Variants in STIM2 observed in about 807,000 individuals in gnomAD.
The protein encoded by STIM2 is stromal interaction molecule 2.
STIM2 carries 31 observed loss-of-function variants against 85.8 expected under a neutral mutation model. The ratio of observed to expected loss-of-function variants is 0.36; its 90% CI spans 0.27 to 0.49. The LOEUF (loss-of-function observed/expected upper bound fraction) is 0.49, where lower values mean the gene tolerates loss of function less well. STIM2 is among the 20% of genes least tolerant of loss of function. The pLI, the probability that STIM2 is intolerant of heterozygous loss-of-function variation, is 0.98. For missense variants in STIM2, 841 were observed against 927.6 expected, an observed-to-expected ratio of 0.91 and a Z score of 1.21; for synonymous variants, 356 against 331.1, an observed-to-expected ratio of 1.08 and a Z score of -0.82.
chr4:26,863,269 A>G (rs1043861323), intron 1 of STIM2, among the ~76,000 whole-genome samples: 3 of 152,208 alleles, frequency 2.0e-5, no homozygotes, highest in African/African-American at 7.2e-5. Flanking sequence ...GTTTGCTAGA[A>G]GAATACCCTG....
chr4:26,973,025 C>T (rs1222567434), intron 3 of STIM2, among the ~76,000 whole-genome samples: 5 of 152,136 alleles, frequency 3.3e-5, no homozygotes, highest in African/African-American at 9.7e-5. Context: ...AGTTTATTTG[C>T]GTAGAGGTGT....
chr4:26,881,064 G>GA (rs1265406169), intron 1 of STIM2, among the ~76,000 whole-genome samples: 1 of 152,082 alleles, frequency 6.6e-6, no homozygotes, highest in Non-Finnish European at 1.5e-5. Context: ...TTTATATGTT[G>GA]AAACCTAAAC....
chr4:26,956,273 A>G (rs1726233880), intron 2 of STIM2, among the ~76,000 whole-genome samples: 1 of 152,176 alleles, frequency 6.6e-6, no homozygotes, highest in African/African-American at 2.4e-5. Context: ...AGTAATGGGT[A>G]CATATATGAG....
chr4:26,962,668 A>T (rs1475349958), intron 3 of STIM2, among the ~76,000 whole-genome samples: 1 of 152,070 alleles, frequency 6.6e-6, no homozygotes, highest in Non-Finnish European at 1.5e-5. Flanking sequence ...TGTCTAATGC[A>T]AATGAAAGCC....
At chr4:26,890,134 C>T (rs762203124) in intron 1 of STIM2, among the ~76,000 whole-genome samples, 3 of 152,172 alleles carry the variant, frequency 2.0e-5, no homozygotes, top group Non-Finnish European at 4.4e-5. Flanking sequence ...GCAGTTAGTG[C>T]TACAGCCATC....
chr4:26,879,388 G>A (rs1382513406), intron 1 of STIM2, among the ~76,000 whole-genome samples: 1 of 151,850 alleles, frequency 6.6e-6, no homozygotes, highest in African/African-American at 2.4e-5. Flanking sequence ...GAAGGATTAT[G>A]GGATTGAGTC....
At chr4:26,919,111 CTG>C (rs1177281002) in intron 1 of STIM2, among the ~76,000 whole-genome samples, 1 of 144,744 alleles carries the variant, frequency 6.9e-6, no homozygotes, top group Non-Finnish European at 1.5e-5. Flanking sequence ...ACTTTGTATT[CTG>C]TGATTTTTTA....
chr4:26,977,647 G>C (rs1042951374), intron 3 of STIM2, among the ~76,000 whole-genome samples: 1 of 152,148 alleles, frequency 6.6e-6, no homozygotes, highest in Non-Finnish European at 1.5e-5. Context: ...GGTTACTAGT[G>C]GGGGACAGGG....
chr4:26,879,642 T>G (rs1182286869), intron 1 of STIM2, among the ~76,000 whole-genome samples: 1 of 152,222 alleles, frequency 6.6e-6, no homozygotes, highest in Non-Finnish European at 1.5e-5. Context: ...GTAAGTATCA[T>G]GCCCATTATC....
At chr4:26,911,400 T>A (rs1030107781) in intron 1 of STIM2, among the ~76,000 whole-genome samples, 1 of 152,176 alleles carries the variant, frequency 6.6e-6, no homozygotes. Flanking sequence ...TAGCAGGTAC[T>A]TCTTATGCAA....
intron 3 of STIM2, among the ~76,000 whole-genome samples, chr4:26,970,253 A>AT (rs1287027420): frequency 2.3e-5 from 3 of 129,132 alleles, no homozygotes; most frequent in African/African-American, 9.1e-5. Flanking sequence ...ATATGTATGT[A>AT]TTTTTTTATT....
At chr4:26,958,447 G>A (rs974041940) in intron 3 of STIM2, among the ~76,000 whole-genome samples, 2 of 151,922 alleles carry the variant, frequency 1.3e-5, no homozygotes, top group African/African-American at 4.8e-5. Context: ...AAAATTAAAC[G>A]AAATTAAAGG....
chr4:26,878,145 T>G (rs542399818), intron 1 of STIM2, among the ~76,000 whole-genome samples: 1 of 152,342 alleles, frequency 6.6e-6, no homozygotes, highest in East Asian at 1.9e-4. Context: ...AGCAACATCC[T>G]GTTCTATAGT....
At chr4:26,947,883 C>G (rs138512933) in intron 2 of STIM2, among the ~76,000 whole-genome samples, 168 of 152,226 alleles carry the variant, frequency 1.1e-3, no homozygotes, top group Non-Finnish European at 1.8e-3. Context: ...GTATGTCTAT[C>G]TTTTTCTAAG....
At chr4:26,990,928 T>C (rs943941214) in intron 3 of STIM2, among the ~76,000 whole-genome samples, 6 of 151,962 alleles carry the variant, frequency 3.9e-5, no homozygotes, top group African/African-American at 1.4e-4. Flanking sequence ...AGACAAAAAA[T>C]TACAAATGCT....
intron 1 of STIM2, among the ~76,000 whole-genome samples, chr4:26,892,882 T>C (rs1051849237): frequency 6.6e-6 from 1 of 152,206 alleles, no homozygotes; most frequent in Non-Finnish European, 1.5e-5. Flanking sequence ...AGATCCATAT[T>C]TGCAAACCAG....
intron 10 of STIM2, among the ~76,000 whole-genome samples, chr4:27,012,051 G>A (rs1029333249): frequency 4.6e-5 from 7 of 151,842 alleles, no homozygotes; most frequent in African/African-American, 1.7e-4. Flanking sequence ...CTTGATATAC[G>A]GGTAAACAGT....
At chr4:26,891,113 A>AT (rs1560196715) in intron 1 of STIM2, among the ~76,000 whole-genome samples, 1 of 152,266 alleles carries the variant, frequency 6.6e-6, no homozygotes, top group Non-Finnish European at 1.5e-5. Flanking sequence ...GTGATGGATA[A>AT]TTTTTTGTGT....
At chr4:27,015,592 T>A (rs1209186526) in intron 10 of STIM2, among the ~76,000 whole-genome samples, 2 of 152,076 alleles carry the variant, frequency 1.3e-5, no homozygotes, top group Non-Finnish European at 2.9e-5. Context: ...AAATTCCAGA[T>A]TAACAATTAG....
Sources: allele counts gnomAD v4.1 joint callset (sites outside exome capture counted in the v4.1 genomes callset), GRCh38; gene constraint gnomAD v4.1.1; transcripts MANE v1.5; gene names NCBI Gene and HGNC (gene_info 2026-07-23, HGNC 2026-07-21).